IL10RB: variants seen among roughly 807,000 people sequenced by gnomAD.
The protein encoded by IL10RB is interleukin-10 receptor subunit beta.
IL10RB carries 30 observed loss-of-function variants against 38.7 expected under a neutral mutation model. The observed-to-expected ratio is 0.78, with a 90% CI of 0.58 to 1.05. The LOEUF is 1.05. Among genes scored for constraint, IL10RB ranks in the 50% least tolerant of loss-of-function variants. The pLI, the probability that IL10RB is intolerant of heterozygous loss-of-function variation, is 0.00. For synonymous variants in IL10RB, 142 were observed against 145.9 expected (o/e 0.97, Z 0.19); for missense variants, 328 against 397.1 (o/e 0.83, Z 1.48).
At chr21:33,286,479 C>A (rs73191813) in intron 5 of IL10RB, among the ~76,000 whole-genome samples, 2,142 of 152,252 alleles carry the variant, frequency 0.014, 24 homozygotes, top group Non-Finnish European at 0.023. Context: ...ACCCAGGTGA[C>A]ATCCTGGACT....
downstream of IL10RB, among the ~76,000 whole-genome samples, chr21:33,298,821 T>C (rs2082977670): frequency 6.6e-6 from 1 of 152,124 alleles, no homozygotes; most frequent in Non-Finnish European, 1.5e-5. Context: ...CACAGGTGAA[T>C]GCGGCAGCTG....
At position 33,268,664 on chromosome 21, in the gene IL10RB, G is replaced by T. The variant is rs8178452; in HGVS notation, c.173+147G>T. Reference sequence around the variant, plus strand: ...CAGGGAGCCTCCCTGCCAGCCTTTTGCTGTCTGGGAAATTCTCGTGGCCAC... The same window carrying T: ...CAGGGAGCCTCCCTGCCAGCCTTTTTCTGTCTGGGAAATTCTCGTGGCCAC... On this transcript the variant is annotated intron_variant, in intron 2 of 6. Transcript: ENST00000290200. 1.9e-3 allele frequency: 1,332 copies of T among 716,130 alleles called. 20 individuals are homozygous for T. In the African/African-American group the frequency reaches 0.021, roughly 11 times the overall value. The allele number at this position is 716,130 out of a possible 1,614,324, so 44.4% of individuals were successfully genotyped here.
At chr21:33,303,350 C>CTTT (rs11340111) in intron 1 of IL10RB, among the ~76,000 whole-genome samples, 81 of 109,942 alleles carry the variant, frequency 7.4e-4, no homozygotes, top group African/African-American at 8.5e-4. Context: ...CTGTTACTTT[C>CTTT]TTTTTTTTTT....
downstream of IL10RB, among the ~76,000 whole-genome samples, chr21:33,299,185 TTAA>T (rs1185337703): frequency 6.6e-6 from 1 of 152,214 alleles, no homozygotes; most frequent in Admixed American, 6.5e-5. Flanking sequence ...ACTTCCACTG[TTAA>T]ACCCAGTTTT....
intron 1 of IL10RB, among the ~76,000 whole-genome samples, chr21:33,267,319 G>T (rs950249411): frequency 6.6e-6 from 1 of 151,880 alleles, no homozygotes; most frequent in African/African-American, 2.4e-5. Context: ...TCCTTTGGGG[G>T]ATTTCAGCCA....
At chr21:33,288,850 A>G (rs1477570277) in intron 6 of IL10RB, among the ~76,000 whole-genome samples, 3 of 152,244 alleles carry the variant, frequency 2.0e-5, no homozygotes, top group Non-Finnish European at 4.4e-5. Context: ...AGTCACTGAC[A>G]CTAGAGAATG....
intron 3 of IL10RB, 147 bp from the exon 4 acceptor site, chr21:33,279,605 C>G: frequency 1.4e-6 from 1 of 739,210 alleles, no homozygotes; most frequent in Non-Finnish European, 2.4e-6. Flanking sequence ...AACTACCCTT[C>G]TTAGCCATGT....
chr21:33,272,867 C>T (rs1478062795), intron 2 of IL10RB, among the ~76,000 whole-genome samples: 6 of 152,228 alleles, frequency 3.9e-5, no homozygotes, highest in African/African-American at 1.2e-4. Context: ...ATCCAACAGG[C>T]ATGTCCAAAT....
chr21:33,273,711 T>C (rs1339637887), intron 2 of IL10RB, among the ~76,000 whole-genome samples: 2 of 152,266 alleles, frequency 1.3e-5, no homozygotes, highest in South Asian at 4.1e-4. Flanking sequence ...CAAACCCTGC[T>C]ATCAACTAAG....
intron 2 of IL10RB, 107 bp downstream of exon 2, chr21:33,268,624 G>T: frequency 1.2e-6 from 1 of 838,414 alleles, no homozygotes; most frequent in South Asian, 1.3e-5. Context: ...GTCACCGTGT[G>T]ACTGTGACAA....
Position 33,268,484 on chromosome 21 carries a change from A to C in IL10RB, c.140A>C (p.Lys47Thr). 6.2e-7 allele frequency: 1 copy of C among 1,613,992 alleles called. No individual in the cohort carries two copies. The highest frequency in any genetic ancestry group is 1.3e-5 in the African/African-American group (1 of 75,056). ...CAGTGGGAGTCACCTGCTTTTGCCA[A>C]AGGGAACCTGACTTTCACAGCTCAG... ...ILQWESPAFAKGNLTFTAQYL... is the reference protein window; with the variant it reads ...ILQWESPAFATGNLTFTAQYL... Residue 47 changes from lysine to threonine, a missense_variant, in exon 2 of 7, where the codon AAA becomes ACA. Transcript: ENST00000290200.
chr21:33,291,823 T>C (rs964561436), intron 6 of IL10RB, among the ~76,000 whole-genome samples: 2 of 152,168 alleles, frequency 1.3e-5, no homozygotes, highest in Non-Finnish European at 2.9e-5. Flanking sequence ...GGGCTCAGCA[T>C]TGATCTCTGT....
chr21:33,271,457 G>A lies in IL10RB; in HGVS notation c.173+2940G>A, dbSNP rs28437645. On this transcript the variant is annotated intron_variant, in intron 2 of 6. Transcript: ENST00000290200. The stretch of plus-strand genomic sequence containing the variant: ...AAATAACCTAGTGAAGGCCAGGCGC[G>A]GTGGCTCATGCCCGTAATCCCAGCA... Among the ~76,000 whole-genome samples, 148 of 152,256 alleles carry A rather than the reference G, an allele frequency of 9.7e-4. 1 individual carries two copies. The highest frequency in any genetic ancestry group is 6.8e-3 in the Middle Eastern group (2 of 294).
intron 2 of IL10RB, among the ~76,000 whole-genome samples, chr21:33,271,954 T>C: frequency 6.6e-6 from 1 of 151,058 alleles, no homozygotes; most frequent in East Asian, 1.9e-4. Flanking sequence ...TTAGCTGGAC[T>C]TGAGTTGGAA....
downstream of IL10RB, among the ~76,000 whole-genome samples, chr21:33,301,300 A>T (rs371661356): frequency 6.6e-6 from 1 of 151,822 alleles, no homozygotes; most frequent in East Asian, 1.9e-4. Flanking sequence ...CCACCTCACC[A>T]CTCCTGTTTG....
Position 33,296,651 on chromosome 21 carries a change from T to G in IL10RB, c.*294T>G. 1 of 517,794 alleles carries G rather than the reference T, an allele frequency of 1.9e-6. No individual in the cohort carries two copies. Among genetic ancestry groups the G allele is most frequent in the South Asian group, 1.6e-5 (1 of 61,700 alleles). 32.1% of individuals were successfully genotyped at this position (517,794 alleles called of 1,614,324 possible). On this transcript the variant is annotated 3_prime_UTR_variant, in exon 7 of 7. Coordinates refer to ENST00000290200, the MANE Select transcript of IL10RB (RefSeq NM_000628.5). Reference sequence around the variant, plus strand: ...ATATCACTAAAATAAGATCATGTTTTAATTGTGAGAAACAGGGCCGAGCAC... The same window carrying G: ...ATATCACTAAAATAAGATCATGTTTGAATTGTGAGAAACAGGGCCGAGCAC...
At chr21:33,305,833 A>T (rs539217230) in intron 1 of IL10RB, among the ~76,000 whole-genome samples, 19 of 151,950 alleles carry the variant, frequency 1.3e-4, no homozygotes, top group Non-Finnish European at 2.4e-4. Context: ...TTTTTTTTTA[A>T]TTTTTAATAT....
chr21:33,290,113 C>CA (rs529186781), intron 6 of IL10RB, among the ~76,000 whole-genome samples: 4,262 of 138,064 alleles, frequency 0.031, 137 homozygotes, highest in African/African-American at 0.083. Context: ...GACTCCGTCT[C>CA]AAAAAAAAAA....
At chr21:33,279,677 A>G in intron 3 of IL10RB, 75 bp from the exon 4 acceptor site, 1 of 1,274,268 alleles carries the variant, frequency 7.8e-7, no homozygotes, top group South Asian at 1.2e-5. Flanking sequence ...ATTGTTCTGC[A>G]TGGTTATGAA....
Sources: gnomAD v4.1 joint callset for allele counts (sites outside exome capture counted in the v4.1 genomes callset) on GRCh38, gnomAD v4.1.1 for gene constraint, MANE v1.5 for transcripts, NCBI Gene and HGNC (gene_info 2026-07-23, HGNC 2026-07-21) for gene names.